TTLL7: variants seen among roughly 807,000 people sequenced by gnomAD.
TTLL7 encodes the protein tubulin polyglutamylase TTLL7.
TTLL7 carries 53 observed loss-of-function variants against 120.2 expected under a neutral mutation model. The observed-to-expected ratio is 0.44, with a 90% CI of 0.35 to 0.55. The LOEUF is 0.55. Among genes scored for constraint, TTLL7 ranks in the 20% least tolerant of loss-of-function variants. TTLL7 has a pLI of 0.00. For synonymous variants in TTLL7, 353 were observed against 351.7 expected (o/e 1.00, Z -0.04); for missense variants, 803 against 1,054.7 (o/e 0.76, Z 3.31).
intron 9 of TTLL7, among the ~76,000 whole-genome samples, chr1:83,929,746 T>C (rs1472756958): frequency 2.0e-5 from 3 of 152,196 alleles, no homozygotes; most frequent in Admixed American, 2.0e-4. Flanking sequence ...CTGGAGTGTT[T>C]GTTTTTGTCT....
intron 18 of TTLL7, among the ~76,000 whole-genome samples, chr1:83,896,606 T>TA (rs1156550468): frequency 6.6e-6 from 1 of 152,106 alleles, no homozygotes; most frequent in Non-Finnish European, 1.5e-5. Flanking sequence ...GAACAGCATC[T>TA]ATGTCAGCCT....
chr1:83,882,828 A>C, intron 20 of TTLL7, 135 bp downstream of exon 20: 2 of 964,588 alleles, frequency 2.1e-6, no homozygotes, highest in Non-Finnish European at 3.1e-6. Context: ...TATTTTGCAG[A>C]TAATAGCATG....
chr1:83,974,583 G>A (rs1158357119), intron 1 of TTLL7, among the ~76,000 whole-genome samples: 1 of 151,908 alleles, frequency 6.6e-6, no homozygotes, highest in African/African-American at 2.4e-5. Flanking sequence ...TTGTCTTCAT[G>A]CCATTAAGCC....
chr1:83,997,459 A>G (rs1571432511), intron 1 of TTLL7, among the ~76,000 whole-genome samples: 1 of 152,314 alleles, frequency 6.6e-6, no homozygotes, highest in East Asian at 1.9e-4. Context: ...GGGTAACAAC[A>G]AACTAATTCA....
intron 13 of TTLL7, among the ~76,000 whole-genome samples, chr1:83,919,170 C>T (rs1658434030): frequency 6.6e-6 from 1 of 151,770 alleles, no homozygotes; most frequent in African/African-American, 2.4e-5. Context: ...TGCCCAGCCA[C>T]GATTGCAGAG....
intron 15 of TTLL7, 93 bp downstream of exon 15, chr1:83,911,071 AG>A (rs1657635393): frequency 4.0e-6 from 4 of 1,007,830 alleles, no homozygotes; most frequent in Non-Finnish European, 6.0e-6. Context: ...CACACACAAC[AG>A]GGTTCATTTG....
intron 20 of TTLL7, among the ~76,000 whole-genome samples, chr1:83,879,475 T>C (rs979900344): frequency 6.6e-6 from 1 of 152,012 alleles, no homozygotes. Flanking sequence ...CTTTTCTTGC[T>C]CACCTGCCAA....
rs185895637 is a variant in TTLL7, at chr1:83,995,067, T to A, written c.-177+3864A>T. On this transcript the variant is annotated intron_variant, in intron 1 of 20. Transcript: ENST00000260505. ...CTGTTCTCCAACTTAGTATCTTCTC[T>A]CCTCAGTAACACCAACTGCCTGCCT... Among the ~76,000 whole-genome samples the A allele has an allele frequency of 3.3e-5, 5 of 152,260 alleles. No homozygotes were observed. In the East Asian group the frequency reaches 7.7e-4, roughly 24 times the overall value.
chr1:83,986,943 A>T (rs948881811), intron 1 of TTLL7, among the ~76,000 whole-genome samples: 2 of 152,202 alleles, frequency 1.3e-5, no homozygotes, highest in African/African-American at 2.4e-5. Context: ...AAGAAAAATG[A>T]AGACATATGG....
At chr1:83,905,995 T>C (rs1002793572) in intron 17 of TTLL7, among the ~76,000 whole-genome samples, 2 of 152,114 alleles carry the variant, frequency 1.3e-5, no homozygotes, top group Admixed American at 6.6e-5. Context: ...TAAATCTTTA[T>C]AGAAGCAGGT....
chr1:83,989,864 T>C (rs1652820677), intron 1 of TTLL7, among the ~76,000 whole-genome samples: 2 of 152,184 alleles, frequency 1.3e-5, no homozygotes, highest in South Asian at 4.1e-4. Flanking sequence ...GTAGCTGTCC[T>C]TGCAGAGATC....
In TTLL7 at chr1:83,917,703, T is replaced by C. The variant is rs760100294; in HGVS notation, c.1501-13A>G. 6.3e-7 allele frequency: 1 copy of C among 1,585,070 alleles called. No homozygotes were observed. The highest frequency in any genetic ancestry group is 1.1e-5 in the South Asian group (1 of 89,938). ...AAATATCTTCTTCCTTCAAAAAATA[T>C]TCTAATTAAAATTACAACCACTAAT... is the stretch of plus-strand genomic sequence containing the variant. On this transcript the variant is annotated splice_polypyrimidine_tract_variant and intron_variant, in intron 13 of 20. Transcript: ENST00000260505.
At chr1:83,977,217 T>C (rs1406740530) in intron 1 of TTLL7, among the ~76,000 whole-genome samples, 1 of 152,036 alleles carries the variant, frequency 6.6e-6, no homozygotes, top group East Asian at 1.9e-4. Flanking sequence ...TATATAAATT[T>C]CAGTAACACA....
chr1:83,888,546 G>A (rs1655162557), intron 19 of TTLL7, among the ~76,000 whole-genome samples: 1 of 151,972 alleles, frequency 6.6e-6, no homozygotes, highest in Non-Finnish European at 1.5e-5. Context: ...AGTCTGTTAA[G>A]GTTTTACAGA....
intron 1 of TTLL7, among the ~76,000 whole-genome samples, chr1:83,989,162 G>A (rs756214630): frequency 1.1e-4 from 17 of 152,060 alleles, no homozygotes; most frequent in East Asian, 5.8e-4. Flanking sequence ...TTATTTTGCC[G>A]TACAGAAGCT....
intron 1 of TTLL7, among the ~76,000 whole-genome samples, chr1:83,986,846 AAAGAAG>A (rs761288764): frequency 1.3e-5 from 2 of 152,284 alleles, no homozygotes; most frequent in South Asian, 2.1e-4. Flanking sequence ...TCTCAAAAAA[AAAGAAG>A]AAGAAGAAGA....
At chr1:83,908,414 ACTGAACAGAGAGTAT>A (rs1657392911) in intron 15 of TTLL7, among the ~76,000 whole-genome samples, 4 of 152,158 alleles carry the variant, frequency 2.6e-5, no homozygotes, top group African/African-American at 9.7e-5. Context: ...AAAGAGTAGT[ACTGAACAGAGAGTAT>A]TTTAAGTCAC....
intron 8 of TTLL7, among the ~76,000 whole-genome samples, chr1:83,935,735 G>A (rs973535686): frequency 7.2e-5 from 11 of 151,938 alleles, no homozygotes; most frequent in Admixed American, 5.2e-4. Context: ...TAAATTCAGG[G>A]AATTTGTAAA....
At chr1:83,946,988 CA>C (rs1427853309) in intron 6 of TTLL7, 135 bp downstream of exon 6, 4 of 652,512 alleles carry the variant, frequency 6.1e-6, no homozygotes, top group Non-Finnish European at 9.3e-6. Context: ...TATTTGGTTC[CA>C]AAACTACAAT....
Sources: allele counts gnomAD v4.1 joint callset (sites outside exome capture counted in the v4.1 genomes callset), GRCh38; gene constraint gnomAD v4.1.1; transcripts MANE v1.5; gene names NCBI Gene and HGNC (gene_info 2026-07-23, HGNC 2026-07-21).